CRIP2: variants seen among roughly 807,000 people sequenced by gnomAD.
CRIP2 encodes cysteine rich protein 2.
A neutral mutation model predicts 31.3 loss-of-function variants in CRIP2; 31 were observed. The observed-to-expected ratio is 0.99, with a 90% CI of 0.74 to 1.34. The LOEUF (loss-of-function observed/expected upper bound fraction) is 1.34. Among genes scored for constraint, CRIP2 ranks in the 40% most tolerant of loss-of-function variants. CRIP2 has a pLI of 0.00. For missense variants in CRIP2, 389 were observed against 301.6 expected (o/e 1.29, Z -2.15); for synonymous variants, 177 against 127.2 (o/e 1.39, Z -2.63).
intron 1 of CRIP2, chr14:105,476,540 C>T (rs1343041892): frequency 6.1e-6 from 6 of 985,562 alleles, no homozygotes; most frequent in Non-Finnish European, 6.0e-6. Flanking sequence ...GTTCCCAACT[C>T]GGACCCGTAA....
rs1555437144 is a variant in CRIP2, at chr14:105,480,088, G to A, written c.*435G>A. Reference sequence around the variant, plus strand: ...CCCTGCCTGGTGCCCACACTGCCTCGCAAGCGCTCGCCACCCTCACGTGGC... The same window carrying A: ...CCCTGCCTGGTGCCCACACTGCCTCACAAGCGCTCGCCACCCTCACGTGGC... On this transcript the variant is annotated 3_prime_UTR_variant, in exon 8 of 8. Coordinates refer to ENST00000329146, the MANE Select transcript of CRIP2 (RefSeq NM_001312.4). 6 of 202,658 alleles carry A rather than the reference G, an allele frequency of 3.0e-5. No homozygotes were observed. Among genetic ancestry groups the A allele is most frequent in the South Asian group, 2.5e-4 (3 of 11,954 alleles). The allele number at this position is 202,658 out of a possible 1,614,324, so 12.6% of individuals were successfully genotyped here. A position where few individuals can be genotyped will look rare whatever the true frequency, so the allele number is the denominator to read the frequency against.
rs1265677754 is a variant in CRIP2, at chr14:105,478,125, G to T, written c.44-141G>T. On this transcript the variant is annotated intron_variant, in intron 1 of 7. Coordinates refer to ENST00000329146, the MANE Select transcript of CRIP2 (RefSeq NM_001312.4). This position sits in a 1 kb window ranked among gnomAD's most constrained non-coding sequence, Gnocchi z 4.9. Reference sequence around the variant, plus strand: ...GGTCTCAGAAGGAGGGGCAGGGCCCGCCAGGTGGAAGGAAGGCGCCTGGGA... The same window carrying T: ...GGTCTCAGAAGGAGGGGCAGGGCCCTCCAGGTGGAAGGAAGGCGCCTGGGA... 4.7e-6 allele frequency: 3 copies of T among 642,224 alleles called. No homozygotes were observed. The highest frequency in any genetic ancestry group is 4.4e-4 in the Middle Eastern group (1 of 2,284). The allele number at this position is 642,224 out of a possible 1,614,324, so 39.8% of individuals were successfully genotyped here. A position where few individuals can be genotyped will look rare whatever the true frequency, so the allele number is the denominator to read the frequency against.
Position 105,474,904 on chromosome 14 carries a change from C to A in CRIP2, c.42C>A (p.Phe14Leu). The change falls in exon 1 of 8, where the codon TTC becomes TTA. Residue 14 changes from phenylalanine (F) to leucine (L), a missense_variant and splice_region_variant. Transcript: ENST00000329146. The surrounding 1 kb of genome is among the most constrained non-coding windows in gnomAD (Gnocchi z 5.1). ...CCAAGTGCGACAAGACCGTGTACTTCGGTGAGTGCGTGCCCGCTCCCGGCC... is the reference window on the plus strand; with the variant it reads ...CCAAGTGCGACAAGACCGTGTACTTAGGTGAGTGCGTGCCCGCTCCCGGCC... Reference protein sequence around the residue: ...KCPKCDKTVYFAEKVSSLGKD... With the variant: ...KCPKCDKTVYLAEKVSSLGKD... 1.3e-6 allele frequency: 2 copies of A among 1,519,360 alleles called. No individual in the cohort carries two copies. The highest frequency in any genetic ancestry group is 1.2e-5 in the South Asian group (1 of 81,706). The allele number at this position is 1,519,360 out of a possible 1,614,324, so 94.1% of individuals were successfully genotyped here.
chr14:105,473,628 C>A, upstream of CRIP2: 3 of 1,292,178 alleles, frequency 2.3e-6, no homozygotes, highest in Non-Finnish European at 3.1e-6. Flanking sequence ...TCTCCCAGGC[C>A]GACGCTCAGC....
At chr14:105,473,542 CA>C, upstream of CRIP2, 14 of 1,525,546 alleles carry the variant, frequency 9.2e-6, no homozygotes, top group Non-Finnish European at 1.1e-5. Flanking sequence ...CCACAGCCTC[CA>C]AGACACAGGG....
Position 105,479,045 on chromosome 14 carries a change from T to G in CRIP2, c.404T>G (p.Phe135Cys). 1.3e-6 allele frequency: 2 copies of G among 1,576,824 alleles called. No homozygotes were observed. The highest frequency in any genetic ancestry group is 1.7e-6 in the Non-Finnish European group (2 of 1,163,464). ...TCPRCSKKVY[F>C]AEKVTSLGKD... ...CCGCGCTGCAGCAAGAAGGTGTACT[T>G]CGGTGAGTGCGCGCCCGGGCCCCGG... The change falls in exon 5 of 8, where the codon TTC (phenylalanine) becomes TGC (cysteine). Residue 135 changes from phenylalanine to cysteine, a missense_variant and splice_region_variant. Coordinates refer to ENST00000329146, the MANE Select transcript of CRIP2 (RefSeq NM_001312.4).
At position 105,479,838 on chromosome 14, in the gene CRIP2, C is replaced by A; in HGVS notation, c.*185C>A. 3 of 642,370 alleles carry A rather than the reference C, an allele frequency of 4.7e-6. No individual in the cohort carries two copies. The highest frequency in any genetic ancestry group is 1.9e-5 in the South Asian group (1 of 53,798). The allele number at this position is 642,370 out of a possible 1,614,324, so 39.8% of individuals were successfully genotyped here. ...TCCCCGAGTCTCTGGTGTGTCTGCC[C>A]CCTCTGGCATCCTCTGGGCGTCCCA... On this transcript the variant is annotated 3_prime_UTR_variant, in exon 8 of 8. Coordinates refer to ENST00000329146, the MANE Select transcript of CRIP2 (RefSeq NM_001312.4).
Position 105,479,846 on chromosome 14 carries a change from C to A in CRIP2, c.*193C>A. On this transcript the variant is annotated 3_prime_UTR_variant, in exon 8 of 8. Coordinates refer to ENST00000329146, the MANE Select transcript of CRIP2 (RefSeq NM_001312.4). ...TCTCTGGTGTGTCTGCCCCCTCTGG[C>A]ATCCTCTGGGCGTCCCATGATCCCT... 3.2e-6 allele frequency: 2 copies of A among 626,722 alleles called. No homozygotes were observed. The highest frequency in any genetic ancestry group is 5.6e-6 in the Non-Finnish European group (2 of 354,576). 38.8% of individuals were successfully genotyped at this position (626,722 alleles called of 1,614,324 possible).
rs782548161 is a variant in CRIP2, at chr14:105,478,259, C to G, written c.44-7C>G. On this transcript the variant is annotated splice_region_variant and splice_polypyrimidine_tract_variant and intron_variant, in intron 1 of 7. Coordinates refer to ENST00000329146, the MANE Select transcript of CRIP2 (RefSeq NM_001312.4). The surrounding 1 kb of genome is among the most constrained non-coding windows in gnomAD (Gnocchi z 4.9). The stretch of plus-strand genomic sequence containing the variant: ...GCCCTGACCCCCCTGCCGCCCCTCC[C>G]GCTCAGCCGAGAAGGTGAGCTCCCT... 3.8e-5 allele frequency: 58 copies of G among 1,539,870 alleles called. No individual in the cohort carries two copies. The highest frequency in any genetic ancestry group is 3.2e-4 in the Admixed American group (16 of 50,764).
intron 7 of CRIP2, 36 bp from the exon 8 acceptor site, chr14:105,479,550 G>A: frequency 6.2e-7 from 1 of 1,612,734 alleles, no homozygotes; most frequent in African/African-American, 1.3e-5. Context: ...TCCCTCCACT[G>A]TTCCCCCGAC....
intron 1 of CRIP2, chr14:105,475,252 G>GGGGCA (rs1555435528): frequency 8.2e-6 from 2 of 242,552 alleles, no homozygotes; most frequent in South Asian, 1.4e-4. Flanking sequence ...CGGGCGGGGC[G>GGGGCA]GGGCAGGGCG....
chr14:105,473,809 G>T (rs1264245701), upstream of CRIP2, among the ~76,000 whole-genome samples: 1 of 152,132 alleles, frequency 6.6e-6, no homozygotes, highest in African/African-American at 2.4e-5. Context: ...GGGGGTGTGG[G>T]GGTGCGGTGA....
In CRIP2 at chr14:105,478,647, G is replaced by C. The variant is rs1555436472; in HGVS notation, c.197-84G>C. 5 of 1,470,448 alleles carry C rather than the reference G, an allele frequency of 3.4e-6. No homozygotes were observed. Among genetic ancestry groups the C allele is most frequent in the Non-Finnish European group, 3.6e-6 (4 of 1,110,200 alleles). 91.1% of individuals were successfully genotyped at this position (1,470,448 alleles called of 1,614,324 possible). ...ACCCTGGAAAGCCTAGTGCCCCCCAGTCCCCAGCGGGCCGTTTTCTGAGAT... is the reference window on the plus strand; with the variant it reads ...ACCCTGGAAAGCCTAGTGCCCCCCACTCCCCAGCGGGCCGTTTTCTGAGAT... On this transcript the variant is annotated intron_variant, in intron 3 of 7. Coordinates refer to ENST00000329146, the MANE Select transcript of CRIP2 (RefSeq NM_001312.4). The surrounding 1 kb of genome is among the most constrained non-coding windows in gnomAD (Gnocchi z 4.9).
At position 105,479,627 on chromosome 14, in the gene CRIP2, G is replaced by A; in HGVS notation, c.601G>A (p.Asp201Asn). Reference protein sequence around the residue: ...GAVGSYIYDRDPEGKVQP With the variant: ...GAVGSYIYDRNPEGKVQP ...GGTGGGCAGCTACATCTATGACCGG[G>A]ACCCCGAAGGCAAGGTCCAGCCCTA... The change falls in exon 8 of 8, where the codon GAC (aspartate) becomes AAC (asparagine). Residue 201 changes from aspartate to asparagine, a missense_variant. Coordinates refer to ENST00000329146, the MANE Select transcript of CRIP2 (RefSeq NM_001312.4). 7.4e-6 allele frequency: 12 copies of A among 1,612,690 alleles called. No individual in the cohort carries two copies. Among genetic ancestry groups the A allele is most frequent in the Non-Finnish European group, 1.0e-5 (12 of 1,179,916 alleles).
chr14:105,479,290 C>T, intron 6 of CRIP2, 71 bp downstream of exon 6: 3 of 1,509,284 alleles, frequency 2.0e-6, no homozygotes, highest in Admixed American at 3.8e-5. Context: ...GTGAGAGGCG[C>T]GCCTAGAGGG....
rs782422971 is a variant in CRIP2 at position 105,479,513 on chromosome 14, T to A, written c.559+20T>A. ...CCAAGGGTGAGTGTAGCCAGGGTGG[T>A]CCACGATGTCTTCCCTGCCCTCCCC... On this transcript the variant is annotated intron_variant, in intron 7 of 7. Coordinates refer to ENST00000329146, the MANE Select transcript of CRIP2 (RefSeq NM_001312.4). 12 of 1,612,764 alleles carry A rather than the reference T, an allele frequency of 7.4e-6. No individual in the cohort carries two copies. The Admixed American group carries it at 2.0e-4, about 27-fold the overall frequency.
rs782616987 is a variant in CRIP2 at position 105,474,929 on chromosome 14, C to T, written c.43+24C>T. On this transcript the variant is annotated intron_variant, in intron 1 of 7. Transcript: ENST00000329146. This position sits in a 1 kb window ranked among gnomAD's most constrained non-coding sequence, Gnocchi z 5.1. ...CGGTGAGTGCGTGCCCGCTCCCGGC[C>T]CGCTCGGTGCATCCCGCCGCCCTTC... is the stretch of plus-strand genomic sequence containing the variant. 6.7e-7 allele frequency: 1 copy of T among 1,498,664 alleles called. No individual in the cohort carries two copies. Among genetic ancestry groups the T allele is most frequent in the South Asian group, 1.3e-5 (1 of 79,578 alleles). 92.8% of individuals were successfully genotyped at this position (1,498,664 alleles called of 1,614,324 possible).
intron 6 of CRIP2, 36 bp from the exon 7 acceptor site, chr14:105,479,398 CTG>C: frequency 6.2e-7 from 1 of 1,611,694 alleles, no homozygotes; most frequent in Non-Finnish European, 8.5e-7. Context: ...TCGGGGGAGT[CTG>C]TGGACTCCTC....
chr14:105,476,094 G>C, intron 1 of CRIP2: 1 of 985,580 alleles, frequency 1.0e-6, no homozygotes, highest in Non-Finnish European at 1.2e-6. Flanking sequence ...CCTGGAGCCC[G>C]CTCAGCCCTC....
Sources: gnomAD v4.1 joint callset for allele counts (sites outside exome capture counted in the v4.1 genomes callset) on GRCh38, gnomAD v4.1.1 for gene constraint, Gnocchi (gnomAD v3.1) non-coding constraint, MANE v1.5 for transcripts, NCBI Gene and HGNC (gene_info 2026-07-23, HGNC 2026-07-21) for gene names.